LPCAT2: variants seen among roughly 807,000 people sequenced by gnomAD.
LPCAT2 encodes lysophosphatidylcholine acyltransferase 2.
A neutral mutation model predicts 64.7 loss-of-function variants in LPCAT2; 58 were observed. The observed-to-expected ratio is 0.90, with a 90% CI of 0.73 to 1.12. The LOEUF (loss-of-function observed/expected upper bound fraction) is 1.12, where lower values mean the gene tolerates loss of function less well. Ranked by LOEUF, LPCAT2 falls within the 50% of genes most tolerant of loss-of-function variation. The pLI is 0.00. For missense variants in LPCAT2, 579 were observed against 669.8 expected, an observed-to-expected ratio of 0.86 and a Z score of 1.50; for synonymous variants, 252 against 245.3, an observed-to-expected ratio of 1.03 and a Z score of -0.26.
Position 55,579,233 on chromosome 16 carries a change from C to A in LPCAT2, c.1439C>A (p.Ser480Ter). 3 of 1,612,846 alleles carry A rather than the reference C, an allele frequency of 1.9e-6. No individual in the cohort carries two copies. The highest frequency in any genetic ancestry group is 2.5e-6 in the Non-Finnish European group (3 of 1,179,382). Residue 480 changes from serine (S) to a stop codon, truncating the protein, a stop_gained, in exon 13 of 14, where the codon TCA becomes TAA. Coordinates refer to ENST00000262134, the MANE Select transcript of LPCAT2 (RefSeq NM_017839.5). LOFTEE classifies it high-confidence loss of function. ...GLFKEIAQGD[S>*]ISYEEFKSFA... Reference sequence around the variant, plus strand: ...TTCAAGGAAATAGCCCAAGGGGACTCAATTTCCTATGGTGAGTAGGCAATC... The same window carrying A: ...TTCAAGGAAATAGCCCAAGGGGACTAAATTTCCTATGGTGAGTAGGCAATC...
chr16:55,517,548 A>T (rs570434510), intron 1 of LPCAT2, among the ~76,000 whole-genome samples: 3 of 152,140 alleles, frequency 2.0e-5, no homozygotes, highest in Non-Finnish European at 4.4e-5. Flanking sequence ...ATAAAAGAAA[A>T]CTACAGACCA....
At chr16:55,517,828 G>A (rs1344696168) in intron 1 of LPCAT2, among the ~76,000 whole-genome samples, 1 of 152,118 alleles carries the variant, frequency 6.6e-6, no homozygotes, top group Non-Finnish European at 1.5e-5. Context: ...CTTATAAAGG[G>A]CATCTGTGAA....
chr16:55,579,190 C>T lies in LPCAT2; in HGVS notation c.1396C>T (p.Leu466Phe). Residue 466 changes from leucine to phenylalanine, a missense_variant, in exon 13 of 14, where the codon CTT becomes TTT. Coordinates refer to ENST00000262134, the MANE Select transcript of LPCAT2 (RefSeq NM_017839.5). ...ILQASLGVPD[L>F]DVSGLFKEIA... ...ACAGGCTTCCCTTGGAGTGCCTGAC[C>T]TTGATGTTTCTGGTCTCTTCAAGGA... The T allele has an allele frequency of 1.9e-6, 3 of 1,613,442 alleles. No homozygotes were observed. The highest frequency in any genetic ancestry group is 8.5e-7 in the Non-Finnish European group (1 of 1,179,596).
chr16:55,512,120 T>C (rs1001933185), intron 1 of LPCAT2, among the ~76,000 whole-genome samples: 6 of 152,232 alleles, frequency 3.9e-5, no homozygotes, highest in Non-Finnish European at 5.9e-5. Context: ...CAAGATCCCT[T>C]CTATATTATA....
At chr16:55,538,982 C>T (rs1186682425) in intron 8 of LPCAT2, 1 of 152,052 alleles carries the variant, frequency 6.6e-6, no homozygotes, top group Non-Finnish European at 1.5e-5. Flanking sequence ...TAGTCTAGGC[C>T]TGTTTCACTT....
At chr16:55,510,555 C>T (rs1232481020) in intron 1 of LPCAT2, among the ~76,000 whole-genome samples, 1 of 152,110 alleles carries the variant, frequency 6.6e-6, no homozygotes, top group Non-Finnish European at 1.5e-5. Flanking sequence ...GCACTAAGAC[C>T]ATTGTCCTCT....
intron 13 of LPCAT2, among the ~76,000 whole-genome samples, chr16:55,582,227 A>G (rs1279943823): frequency 6.6e-6 from 1 of 152,208 alleles, no homozygotes; most frequent in South Asian, 2.1e-4. Context: ...ACAACTCCAG[A>G]AACCCCTGTG....
chr16:55,529,956 T>A lies in LPCAT2; in HGVS notation c.642+9T>A, dbSNP rs1483077961. On this transcript the variant is annotated intron_variant, in intron 4 of 13. Transcript: ENST00000262134. ...GAGGAGAATGGCCCCAGGTAAAACA[T>A]GGTAGATGTTAATTTAAATATAGTG... 1.3e-6 allele frequency: 2 copies of A among 1,575,900 alleles called. No homozygotes were observed. Among genetic ancestry groups the A allele is most frequent in the South Asian group, 2.3e-5 (2 of 88,310 alleles).
At chr16:55,578,869 A>G in intron 12 of LPCAT2, 1 of 379,558 alleles carries the variant, frequency 2.6e-6, no homozygotes, top group Non-Finnish European at 4.7e-6. Flanking sequence ...TATGTTCCCC[A>G]TGGAGATCCC....
At chr16:55,542,970 A>G (rs1433896639) in intron 8 of LPCAT2, among the ~76,000 whole-genome samples, 1 of 152,148 alleles carries the variant, frequency 6.6e-6, no homozygotes, top group Non-Finnish European at 1.5e-5. Context: ...ATTGGGGTAT[A>G]TAGATGTCTG....
chr16:55,509,314 G>A lies in LPCAT2; in HGVS notation c.133G>A (p.Val45Met), dbSNP rs754299126. ...FFPPPVPNPF[V>M]QQTQIGSARR... ...CCCGCCGCCGGTGCCGAACCCCTTC[G>A]TGCAGCAGACGCAGATCGGCTCCGC... Residue 45 changes from valine to methionine, a missense_variant, in exon 1 of 14, where the codon GTG (valine) becomes ATG (methionine). Physicochemically the swap from Val to Met is conservative, Grantham distance 21 (BLOSUM62 1). Transcript: ENST00000262134. 1 of 1,497,180 alleles carries A rather than the reference G, an allele frequency of 6.7e-7. No homozygotes were observed. The highest frequency in any genetic ancestry group is 9.0e-7 in the Non-Finnish European group (1 of 1,114,558). 92.7% of individuals were successfully genotyped at this position (1,497,180 alleles called of 1,614,324 possible).
intron 3 of LPCAT2, among the ~76,000 whole-genome samples, chr16:55,529,104 G>A (rs9928922): frequency 0.48 from 73,099 of 151,932 alleles, 18,238 homozygotes; most frequent in Non-Finnish European, 0.55. Context: ...TTCCTGCCAT[G>A]AAAAATAATG....
intron 9 of LPCAT2, among the ~76,000 whole-genome samples, 181 bp from the exon 10 acceptor site, chr16:55,549,096 G>GTCCC (rs767994709): frequency 6.6e-6 from 1 of 152,180 alleles, no homozygotes; most frequent in Admixed American, 6.5e-5. Flanking sequence ...TTGATCCTTA[G>GTCCC]TAAGTCTGTG....
At chr16:55,568,668 C>G (rs1315102284) in intron 11 of LPCAT2, among the ~76,000 whole-genome samples, 2 of 152,080 alleles carry the variant, frequency 1.3e-5, no homozygotes, top group African/African-American at 4.8e-5. Flanking sequence ...AGGTTGACAG[C>G]CTTGATTGCT....
chr16:55,560,462 T>G (rs1340231149), intron 11 of LPCAT2, among the ~76,000 whole-genome samples: 3 of 152,030 alleles, frequency 2.0e-5, no homozygotes, highest in Non-Finnish European at 4.4e-5. Flanking sequence ...ACACAATATG[T>G]CAAAGTGGGA....
intron 11 of LPCAT2, among the ~76,000 whole-genome samples, chr16:55,564,882 A>G (rs988033563): frequency 5.9e-5 from 9 of 152,006 alleles, no homozygotes; most frequent in Admixed American, 3.3e-4. Flanking sequence ...ATCAAAGGAC[A>G]CTAACAACAG....
chr16:55,563,142 C>G (rs1261450406), intron 11 of LPCAT2, among the ~76,000 whole-genome samples: 2 of 151,760 alleles, frequency 1.3e-5, no homozygotes, highest in Non-Finnish European at 3.0e-5. Flanking sequence ...ATGAAATTGT[C>G]AAATTCCTAC....
Position 55,585,134 on chromosome 16 carries a change from T to A in LPCAT2, c.*2036T>A, listed in dbSNP as rs1255013442. The A allele has an allele frequency of 6.6e-6, 1 of 152,234 alleles. No homozygotes were observed. Among genetic ancestry groups the A allele is most frequent in the Non-Finnish European group, 1.5e-5 (1 of 68,020 alleles). The allele number at this position is 152,234 out of a possible 1,614,324, so 9.4% of individuals were successfully genotyped here. ...CTGTGAATGTGATATTTCTATTTTG[T>A]GATTATGTTACTGAATAAACAAACT... On this transcript the variant is annotated 3_prime_UTR_variant, in exon 14 of 14. Transcript: ENST00000262134.
At chr16:55,555,552 C>T (rs566516747) in intron 11 of LPCAT2, among the ~76,000 whole-genome samples, 5 of 152,212 alleles carry the variant, frequency 3.3e-5, no homozygotes, top group South Asian at 2.1e-4. Flanking sequence ...GTTTGATGAC[C>T]GAAATAACCA....
Sources: gnomAD v4.1 joint callset for allele counts (sites outside exome capture counted in the v4.1 genomes callset) on GRCh38, gnomAD v4.1.1 for gene constraint, MANE v1.5 for transcripts, NCBI Gene and HGNC (gene_info 2026-07-23, HGNC 2026-07-21) for gene names.